APBB1IP: variants seen among roughly 807,000 people sequenced by gnomAD.
The protein encoded by APBB1IP is amyloid beta A4 precursor protein-binding family B member 1-interacting protein.
A neutral mutation model predicts 64.9 loss-of-function variants in APBB1IP; 27 were observed. The observed-to-expected ratio is 0.42, with a 90% confidence interval of 0.31 to 0.57. The LOEUF is 0.57. Among genes scored for constraint, APBB1IP ranks in the 20% least tolerant of loss-of-function variants. The pLI, the probability that APBB1IP is intolerant of heterozygous loss-of-function variation, is 0.20. For missense variants in APBB1IP, 812 were observed against 845.5 expected (o/e 0.96, Z 0.49); for synonymous variants, 392 against 331.0 (o/e 1.18, Z -2.00).
intron 5 of APBB1IP, among the ~76,000 whole-genome samples, chr10:26,502,669 T>C (rs1836120745): frequency 6.6e-6 from 1 of 152,028 alleles, no homozygotes; most frequent in Non-Finnish European, 1.5e-5. Context: ...CAGTCTCTCT[T>C]AACCTTTGGG....
chr10:26,559,217 G>A (rs1588619925), intron 11 of APBB1IP, among the ~76,000 whole-genome samples: 1 of 152,140 alleles, frequency 6.6e-6, no homozygotes, highest in Non-Finnish European at 1.5e-5. Flanking sequence ...GAGGTGAAAA[G>A]CTTCCAAAAG....
rs1836090648 is a variant in APBB1IP, at chr10:26,501,012, C to T, written c.354C>T (p.Ala118=). Residue 118 remains alanine, a synonymous_variant, in exon 5 of 15, where the codon GCC becomes GCT. Transcript: ENST00000376236. The part of the protein sequence containing the change: ...ASLGYGTNVA[A]TGISQYEDDL... Reference sequence around the variant, plus strand: ...TTGGTTATGGAACAAATGTTGCTGCCACTGGTATCAGCCAATATGAGGATG... The same window carrying T: ...TTGGTTATGGAACAAATGTTGCTGCTACTGGTATCAGCCAATATGAGGATG... The T allele has an allele frequency of 1.9e-6, 3 of 1,614,036 alleles. No homozygotes were observed. The South Asian group carries it at 3.3e-5, about 18-fold the overall frequency.
intron 2 of APBB1IP, among the ~76,000 whole-genome samples, chr10:26,448,782 T>C (rs1023129004): frequency 9.2e-5 from 14 of 152,188 alleles, no homozygotes; most frequent in Admixed American, 7.9e-4. Context: ...TTATATATTA[T>C]GGATTCTGCC....
intron 2 of APBB1IP, among the ~76,000 whole-genome samples, chr10:26,464,968 G>T (rs1835631860): frequency 1.3e-5 from 2 of 152,172 alleles, no homozygotes; most frequent in Non-Finnish European, 2.9e-5. Flanking sequence ...ATTAAATAGA[G>T]AATTCACTTT....
Position 26,518,507 on chromosome 10 carries a change from C to G in APBB1IP, c.813+4847C>G, listed in dbSNP as rs1181647400. On this transcript the variant is annotated intron_variant, in intron 8 of 14. Transcript: ENST00000376236. ...TAGATACTGCCAAGCAGCTTTCACA[C>G]AGATTCTATGACTTAGCCTCCCATT... 2.0e-5 allele frequency among the ~76,000 whole-genome samples: 3 copies of G among 152,214 alleles called. No homozygotes were observed. The South Asian group carries it at 6.2e-4, about 31-fold the overall frequency.
Position 26,536,221 on chromosome 10 carries a change from A to C in APBB1IP, c.1044+4A>C. The C allele has an allele frequency of 6.8e-7, 1 of 1,476,464 alleles. No individual in the cohort carries two copies. Among genetic ancestry groups the C allele is most frequent in the Non-Finnish European group, 8.9e-7 (1 of 1,123,024 alleles). The allele number at this position is 1,476,464 out of a possible 1,614,324, so 91.5% of individuals were successfully genotyped here. A position where few individuals can be genotyped will look rare whatever the true frequency, so the allele number is the denominator to read the frequency against. ...TGTACCCAAAGGAAAGACTAAGGTC[A>C]GAAAAAAAAAAAAAAAAGCACTTAG... On this transcript the variant is annotated splice_donor_region_variant and intron_variant, in intron 10 of 14. Coordinates refer to ENST00000376236, the MANE Select transcript of APBB1IP (RefSeq NM_019043.4).
chr10:26,481,236 TCAAGTGTTCTTG>T (rs1284184858), intron 2 of APBB1IP, among the ~76,000 whole-genome samples: 2 of 152,138 alleles, frequency 1.3e-5, no homozygotes, highest in Non-Finnish European at 1.5e-5. Context: ...TTGTCCTGTG[TCAAGTGTTCTTG>T]CACTTGAGTC....
intron 11 of APBB1IP, among the ~76,000 whole-genome samples, chr10:26,559,722 AG>A (rs1464118372): frequency 6.6e-6 from 1 of 151,518 alleles, no homozygotes; most frequent in Non-Finnish European, 1.5e-5. Flanking sequence ...CCCAGGTTCA[AG>A]CAATTCTCCC....
chr10:26,468,835 T>G (rs1198314697), intron 2 of APBB1IP, among the ~76,000 whole-genome samples: 1 of 152,196 alleles, frequency 6.6e-6, no homozygotes, highest in East Asian at 1.9e-4. Flanking sequence ...CACTGCCCTG[T>G]GCAAAGGATT....
intron 2 of APBB1IP, among the ~76,000 whole-genome samples, chr10:26,461,633 G>C (rs1246535147): frequency 6.6e-6 from 1 of 151,710 alleles, no homozygotes; most frequent in Non-Finnish European, 1.5e-5. Flanking sequence ...TCTAATTGAA[G>C]TTGCAAAAAG....
Position 26,563,395 on chromosome 10 carries a change from G to A in APBB1IP, c.1473+966G>A, listed in dbSNP as rs191998464. 8.3e-4 allele frequency among the ~76,000 whole-genome samples: 126 copies of A among 152,260 alleles called. 1 individual carries two copies. Among genetic ancestry groups the A allele is most frequent in the Non-Finnish European group, 1.2e-3 (83 of 68,026 alleles). ...TAAAGAAGGGTTACACTAAAAATGT[G>A]TATTTTCTATTTTCCCCATTAATGT... On this transcript the variant is annotated intron_variant, in intron 14 of 14. Coordinates refer to ENST00000376236, the MANE Select transcript of APBB1IP (RefSeq NM_019043.4).
chr10:26,567,592 G>A lies in APBB1IP; in HGVS notation c.*104G>A, dbSNP rs1837074379. ...ATCTTGTTCATTTCAGATAAAATGT[G>A]ATGGGAAACTTCTCACTGATGTGCT... On this transcript the variant is annotated 3_prime_UTR_variant, in exon 15 of 15. Transcript: ENST00000376236. The A allele has an allele frequency of 2.1e-6, 3 of 1,456,178 alleles. No homozygotes were observed. The highest frequency in any genetic ancestry group is 2.8e-6 in the Non-Finnish European group (3 of 1,085,344). 90.2% of individuals were successfully genotyped at this position (1,456,178 alleles called of 1,614,324 possible).
intron 12 of APBB1IP, 50 bp downstream of exon 12, chr10:26,560,253 C>G: frequency 6.5e-7 from 1 of 1,541,554 alleles, no homozygotes; most frequent in South Asian, 1.1e-5. Flanking sequence ...CAGCCAACTT[C>G]CTGACCTGGG....
At chr10:26,485,465 C>T (rs563141996) in intron 2 of APBB1IP, among the ~76,000 whole-genome samples, 17 of 152,288 alleles carry the variant, frequency 1.1e-4, no homozygotes, top group South Asian at 2.1e-4. Context: ...TTTCCAACGA[C>T]GCATTTCTGA....
At chr10:26,481,203 G>A (rs1273048729) in intron 2 of APBB1IP, among the ~76,000 whole-genome samples, 2 of 152,088 alleles carry the variant, frequency 1.3e-5, no homozygotes, top group Non-Finnish European at 2.9e-5. Context: ...TGGGGATGTT[G>A]GGTTCATATG....
chr10:26,492,408 C>A lies in APBB1IP; in HGVS notation c.72+10C>A, dbSNP rs1464157380. The A allele has an allele frequency of 1.2e-6, 2 of 1,612,630 alleles. No individual in the cohort carries two copies. The highest frequency in any genetic ancestry group is 1.7e-6 in the Non-Finnish European group (2 of 1,179,252). ...GGATCTTCTGACTCAGGTAAACTTC[C>A]CTTTTTAACTGGCAAATTGGAAAAC... On this transcript the variant is annotated intron_variant, in intron 3 of 14. Transcript: ENST00000376236.
chr10:26,540,620 A>G (rs999706928), intron 10 of APBB1IP, among the ~76,000 whole-genome samples: 1 of 152,208 alleles, frequency 6.6e-6, no homozygotes, highest in Non-Finnish European at 1.5e-5. Flanking sequence ...ATATGTAAAG[A>G]AATAATTGTG....
chr10:26,489,965 C>T (rs1357131518), intron 2 of APBB1IP, among the ~76,000 whole-genome samples: 2 of 152,084 alleles, frequency 1.3e-5, no homozygotes. Context: ...GCAGAGTTTG[C>T]AGTGAGCTGA....
chr10:26,444,601 A>T (rs930311732), intron 2 of APBB1IP, among the ~76,000 whole-genome samples: 3 of 152,310 alleles, frequency 2.0e-5, no homozygotes, highest in East Asian at 1.9e-4. Flanking sequence ...CATCAACTAA[A>T]GTCAGCAAGT....
Sources: allele counts gnomAD v4.1 joint callset (sites outside exome capture counted in the v4.1 genomes callset), GRCh38; gene constraint gnomAD v4.1.1; transcripts MANE v1.5; gene names NCBI Gene and HGNC (gene_info 2026-07-23, HGNC 2026-07-21).